PTPRN2: variants seen among roughly 807,000 people sequenced by gnomAD.
PTPRN2 encodes the protein protein tyrosine phosphatase receptor type N2.
PTPRN2 carries 74 observed loss-of-function variants against 118.8 expected under a neutral mutation model. The observed-to-expected ratio is 0.62, with a 90% CI of 0.52 to 0.76. The LOEUF (loss-of-function observed/expected upper bound fraction) is 0.76. Among genes scored for constraint, PTPRN2 ranks in the 30% least tolerant of loss-of-function variants. The pLI is 0.00. For synonymous variants in PTPRN2, 641 were observed against 608.0 expected, an observed-to-expected ratio of 1.05 and a Z score of -0.80; for missense variants, 1,481 against 1,394.4, an observed-to-expected ratio of 1.06 and a Z score of -0.99.
chr7:157,747,837 G>A (rs1801093452), intron 12 of PTPRN2, among the ~76,000 whole-genome samples: 2 of 128,504 alleles, frequency 1.6e-5, no homozygotes, highest in African/African-American at 3.1e-5. Flanking sequence ...CTGAGCTTTG[G>A]GCTGTCCGGG....
At chr7:157,958,245 A>T (rs1370562422) in intron 11 of PTPRN2, among the ~76,000 whole-genome samples, 1 of 152,162 alleles carries the variant, frequency 6.6e-6, no homozygotes, top group African/African-American at 2.4e-5. Flanking sequence ...ACAGAAAATC[A>T]CCTCAACATA....
At chr7:158,460,620 G>GAC (rs1818916565) in intron 2 of PTPRN2, among the ~76,000 whole-genome samples, 5 of 152,264 alleles carry the variant, frequency 3.3e-5, no homozygotes, top group Admixed American at 1.3e-4. Flanking sequence ...TGTGCCGTCA[G>GAC]CACAGGAGGG....
chr7:157,642,832 AAAAAAAAAAAAAG>A (rs1422091666), intron 14 of PTPRN2, among the ~76,000 whole-genome samples: 8 of 144,790 alleles, frequency 5.5e-5, no homozygotes, highest in Admixed American at 1.4e-4. Flanking sequence ...AAAAAAAAAA[AAAAAAAAAAAAAG>A]CAGCTAAAAC....
At chr7:158,470,177 T>C (rs982063460) in intron 2 of PTPRN2, among the ~76,000 whole-genome samples, 3 of 152,208 alleles carry the variant, frequency 2.0e-5, no homozygotes, top group Admixed American at 6.5e-5. Flanking sequence ...GCAAATATGG[T>C]TATAGCATTT....
chr7:158,070,792 G>GTA (rs1811286128), intron 11 of PTPRN2, among the ~76,000 whole-genome samples: 1 of 130,048 alleles, frequency 7.7e-6, no homozygotes, highest in Non-Finnish European at 1.6e-5. Flanking sequence ...GCCCGTGGTG[G>GTA]TGGAGGTGCC....
chr7:158,191,696 C>T (rs974164483), intron 5 of PTPRN2, among the ~76,000 whole-genome samples: 28 of 152,254 alleles, frequency 1.8e-4, no homozygotes, highest in African/African-American at 5.1e-4. Flanking sequence ...CTCTGTGATG[C>T]GGGTCCTTGC....
rs1412230086 is a variant in PTPRN2, at chr7:157,801,020, CACAT to C, written c.1788+97649_1788+97652del. On this transcript the variant is annotated intron_variant, in intron 12 of 22. Transcript: ENST00000389418. This position sits in a 1 kb window ranked among gnomAD's most constrained non-coding sequence, Gnocchi z 4.2. ...ATATACACACATATACATATACACA[CACAT>C]ATATATACACATATATATACACATA... Among the ~76,000 whole-genome samples, 1 of 149,262 alleles carries C rather than the reference CACAT, an allele frequency of 6.7e-6. No homozygotes were observed. Among genetic ancestry groups the C allele is most frequent in the African/African-American group, 2.5e-5 (1 of 40,108 alleles).
chr7:158,392,494 C>A (rs559506195), intron 2 of PTPRN2, among the ~76,000 whole-genome samples: 54 of 152,312 alleles, frequency 3.5e-4, no homozygotes, highest in Admixed American at 2.5e-3. Context: ...CACAGGACAG[C>A]TGCTTCTCTT....
chr7:157,950,106 T>C (rs1399667795), intron 11 of PTPRN2, among the ~76,000 whole-genome samples: 3 of 152,244 alleles, frequency 2.0e-5, no homozygotes, highest in Non-Finnish European at 2.9e-5. Context: ...GTTTGTGTTA[T>C]GACAGATTAA....
intron 3 of PTPRN2, among the ~76,000 whole-genome samples, chr7:158,226,455 G>C (rs1260238075): frequency 6.6e-6 from 1 of 152,182 alleles, no homozygotes; most frequent in Non-Finnish European, 1.5e-5. Flanking sequence ...TCTTCTGCAG[G>C]CTGAACTGTG....
Position 157,824,712 on chromosome 7 carries a change from G to A in PTPRN2, c.1788+73961C>T, listed in dbSNP as rs555653099. Among the ~76,000 whole-genome samples the A allele has an allele frequency of 2.0e-5, 3 of 152,348 alleles. No homozygotes were observed. The South Asian group carries it at 6.2e-4, about 32-fold the overall frequency. ...GTCACTGGCTGTCTGTTGGTGGGCA[G>A]AAGAGTCTTTGGGTGTGAACCTGGA... On this transcript the variant is annotated intron_variant, in intron 12 of 22. Transcript: ENST00000389418.
At chr7:158,585,775 C>T (rs961918292) in intron 1 of PTPRN2, among the ~76,000 whole-genome samples, 1 of 152,236 alleles carries the variant, frequency 6.6e-6, no homozygotes, top group African/African-American at 2.4e-5. Context: ...CTCCAGCTCA[C>T]ACCATAATGA....
intron 4 of PTPRN2, among the ~76,000 whole-genome samples, chr7:158,200,167 T>C (rs763951137): frequency 2.6e-5 from 4 of 152,162 alleles, no homozygotes; most frequent in Non-Finnish European, 4.4e-5. Context: ...AAACACCACT[T>C]GATCTTATAA....
At chr7:157,581,221 A>G (rs771807469) in intron 17 of PTPRN2, among the ~76,000 whole-genome samples, 2 of 152,240 alleles carry the variant, frequency 1.3e-5, no homozygotes, top group Non-Finnish European at 2.9e-5. Context: ...AGTCACCAAC[A>G]TGGACTGAAA....
intron 2 of PTPRN2, among the ~76,000 whole-genome samples, chr7:158,392,741 C>T (rs556132948): frequency 1.7e-4 from 26 of 152,280 alleles, no homozygotes; most frequent in African/African-American, 6.0e-4. Flanking sequence ...GAAGCCAAGC[C>T]GGAGCCTCGC....
intron 9 of PTPRN2, among the ~76,000 whole-genome samples, chr7:158,131,415 T>A (rs1333284350): frequency 2.6e-5 from 2 of 76,020 alleles, no homozygotes; most frequent in Admixed American, 1.5e-4. Flanking sequence ...CCAATACACA[T>A]CTACCCAACA....
chr7:157,820,615 G>A lies in PTPRN2; in HGVS notation c.1788+78058C>T, dbSNP rs571696667. Among the ~76,000 whole-genome samples, 4 of 150,438 alleles carry A rather than the reference G, an allele frequency of 2.7e-5. No individual in the cohort carries two copies. In the East Asian group the frequency reaches 8.0e-4, roughly 30 times the overall value. On this transcript the variant is annotated intron_variant, in intron 12 of 22. Transcript: ENST00000389418. ...CCCCCACACACGCATTCTTACACAT[G>A]CACACAGCAGACCCCTACACACGTG...
At chr7:157,697,455 G>A (rs1797847807) in intron 12 of PTPRN2, among the ~76,000 whole-genome samples, 1 of 115,690 alleles carries the variant, frequency 8.6e-6, no homozygotes, top group Non-Finnish European at 1.8e-5. Context: ...ATGCATACTG[G>A]GTCTTAGTAG....
At chr7:158,094,435 C>G (rs10949697) in intron 10 of PTPRN2, among the ~76,000 whole-genome samples, 126,444 of 152,076 alleles carry the variant, frequency 0.83, 53,306 homozygotes, top group South Asian at 0.96. Flanking sequence ...TCAGCCTCCC[C>G]AGTAGCTGGG....
Sources: gnomAD v4.1 joint callset for allele counts (sites outside exome capture counted in the v4.1 genomes callset) on GRCh38, gnomAD v4.1.1 for gene constraint, Gnocchi (gnomAD v3.1) non-coding constraint, MANE v1.5 for transcripts, NCBI Gene and HGNC (gene_info 2026-07-23, HGNC 2026-07-21) for gene names.